STAG2: variants seen among roughly 807,000 people sequenced by gnomAD.
STAG2 encodes STAG2 cohesin complex component.
Under a neutral mutation model 108.1 loss-of-function variants are expected in STAG2, and 14 were observed. The observed-to-expected ratio is 0.13, with a 90% confidence interval of 0.09 to 0.20. The LOEUF is 0.20. Ranked by LOEUF, STAG2 falls within the 10% of genes least tolerant of loss-of-function variation. The probability of loss-of-function intolerance (pLI) is 1.00; values close to 1 mark genes in which losing one functional copy is unlikely to be tolerated. For missense variants in STAG2, 440 were observed against 940.9 expected (o/e 0.47, Z 6.96); for synonymous variants, 307 against 302.7 (o/e 1.01, Z -0.15).
chrX:124,004,936 G>T (rs903522866), intron 1 of STAG2, among the ~76,000 whole-genome samples: 2 of 111,067 alleles, frequency 1.8e-5, no homozygotes, highest in African/African-American at 6.5e-5. Context: ...TCCATATACA[G>T]GTGTCCCTTG....
chrX:124,028,986 TA>T (rs1414832612), intron 4 of STAG2, among the ~76,000 whole-genome samples: 4 of 62,133 alleles, frequency 6.4e-5, no homozygotes, highest in Admixed American at 1.6e-4. Flanking sequence ...TATTTTTATT[TA>T]TATATATATA....
At chrX:124,036,920 CTG>C (rs375426161) in intron 5 of STAG2, among the ~76,000 whole-genome samples, 4 of 110,402 alleles carry the variant, frequency 3.6e-5, no homozygotes, top group African/African-American at 1.3e-4. Context: ...CTCACTCACT[CTG>C]TTGTCCAGGT....
intron 1 of STAG2, among the ~76,000 whole-genome samples, chrX:124,005,971 A>G (rs1295422009): frequency 8.1e-5 from 9 of 111,374 alleles, no homozygotes; most frequent in Non-Finnish European, 1.5e-4. Context: ...CTTCATTTTC[A>G]CATGGTGTTC....
intron 29 of STAG2, among the ~76,000 whole-genome samples, chrX:124,084,068 T>C (rs868294023): frequency 2.7e-5 from 3 of 112,185 alleles, no homozygotes; most frequent in Non-Finnish European, 5.6e-5. Context: ...TAGTGACTTA[T>C]AAAAGAGCCC....
At chrX:123,996,618 C>A (rs1381413000) in intron 1 of STAG2, among the ~76,000 whole-genome samples, 1 of 111,580 alleles carries the variant, frequency 9.0e-6, no homozygotes, top group Non-Finnish European at 1.9e-5. Context: ...TTGCTCTTTC[C>A]AGACTGTCAT....
At chrX:123,967,510 C>T (rs766224569) in intron 1 of STAG2, among the ~76,000 whole-genome samples, 5 of 111,219 alleles carry the variant, frequency 4.5e-5, no homozygotes, top group Non-Finnish European at 9.4e-5. Flanking sequence ...AGGTGATCTG[C>T]CTGCCTCGGC....
chrX:124,025,148 C>CTG (rs1282166827), intron 3 of STAG2, among the ~76,000 whole-genome samples: 2 of 110,827 alleles, frequency 1.8e-5, no homozygotes, highest in African/African-American at 6.5e-5. Context: ...TCGTTCTTTC[C>CTG]TGCGTATATA....
chrX:124,014,979 C>CTTTTTTTTTTT (rs34997317), intron 1 of STAG2, among the ~76,000 whole-genome samples: 5 of 44,518 alleles, frequency 1.1e-4, no homozygotes, highest in Admixed American at 4.0e-4. Flanking sequence ...ACGTACTTTT[C>CTTTTTTTTTTT]TTTTTTTTTT....
chrX:124,102,181 C>CT lies in STAG2; in HGVS notation c.*1585dup, dbSNP rs1338273992. 6 of 158,248 alleles carry CT rather than the reference C, an allele frequency of 3.8e-5. No homozygotes were observed. The highest frequency in any genetic ancestry group is 6.2e-5 in the Non-Finnish European group (5 of 81,113). 13.0% of individuals were successfully genotyped at this position (158,248 alleles called of 1,213,427 possible). On this transcript the variant is annotated 3_prime_UTR_variant, in exon 35 of 35. Coordinates refer to ENST00000371145, the MANE Select transcript of STAG2 (RefSeq NM_001042750.2). ...TAATAACAAATGAATCCAGACTTGT[C>CT]TAACAGATTTTCCATCAACAAATAT...
intron 4 of STAG2, 120 bp downstream of exon 4, chrX:124,026,038 T>C (rs774452405): frequency 2.3e-6 from 1 of 432,264 alleles, no homozygotes; most frequent in Admixed American, 4.2e-5. Context: ...TGGGAGCTGA[T>C]TGGTATGGTA....
chrX:124,074,956 G>A (rs2058762591), intron 25 of STAG2, among the ~76,000 whole-genome samples: 1 of 112,146 alleles, frequency 8.9e-6, no homozygotes, highest in Admixed American at 9.4e-5. Context: ...TATGTATTCA[G>A]TGTAATGATA....
intron 1 of STAG2, among the ~76,000 whole-genome samples, chrX:123,974,936 G>A (rs2054553121): frequency 9.0e-6 from 1 of 111,716 alleles, no homozygotes; most frequent in Non-Finnish European, 1.9e-5. Flanking sequence ...AATGATTGAG[G>A]TTTGGTATAC....
At chrX:123,968,216 T>C (rs2054195941) in intron 1 of STAG2, among the ~76,000 whole-genome samples, 1 of 112,211 alleles carries the variant, frequency 8.9e-6, no homozygotes, top group South Asian at 3.6e-4. Flanking sequence ...CCGTCTTATA[T>C]GCAGTCTGTT....
At chrX:123,963,777 C>A (rs753872513) in intron 1 of STAG2, among the ~76,000 whole-genome samples, 140 of 111,205 alleles carry the variant, frequency 1.3e-3, no homozygotes, top group Middle Eastern at 4.6e-3. Flanking sequence ...ATGGTTATAT[C>A]TTTGTGTTTA....
Position 124,079,310 on chromosome X carries a change from T to C in STAG2, c.2775+1252T>C. On this transcript the variant is annotated intron_variant, in intron 27 of 34. Coordinates refer to ENST00000371145, the MANE Select transcript of STAG2 (RefSeq NM_001042750.2). ...CCCGCCACCACACCCGGCTAATTTT[T>C]TTGTATTTTTAGTAGAGACGGGGTT... Among the ~76,000 whole-genome samples, 2 of 110,021 alleles carry C rather than the reference T, an allele frequency of 1.8e-5. 1 individual carries two copies. Among genetic ancestry groups the C allele is most frequent in the Middle Eastern group, 9.4e-3 (2 of 213 alleles).
Position 124,101,682 on chromosome X carries a change from C to G in STAG2, c.*1085C>G, listed in dbSNP as rs2059509621. On this transcript the variant is annotated 3_prime_UTR_variant, in exon 35 of 35. Transcript: ENST00000371145. ...ATTTTATATTGTTTTATCTATCTGT[C>G]TTTGCAAGCAGTCTTCAGGTTAAAG... is the stretch of plus-strand genomic sequence containing the variant. 2 of 163,192 alleles carry G rather than the reference C, an allele frequency of 1.2e-5. No homozygotes were observed. Among genetic ancestry groups the G allele is most frequent in the Admixed American group, 1.7e-4 (2 of 12,067 alleles). The allele number at this position is 163,192 out of a possible 1,213,427, so 13.4% of individuals were successfully genotyped here.
intron 6 of STAG2, among the ~76,000 whole-genome samples, chrX:124,041,598 A>T (rs755682675): frequency 9.0e-6 from 1 of 111,242 alleles, no homozygotes; most frequent in Non-Finnish European, 1.9e-5. Flanking sequence ...CTAGTAAGCA[A>T]ATAATTCAAC....
intron 5 of STAG2, among the ~76,000 whole-genome samples, chrX:124,036,914 C>T (rs1407470938): frequency 3.6e-5 from 4 of 110,630 alleles, no homozygotes; most frequent in Non-Finnish European, 7.6e-5. Context: ...TGGAGTCTCA[C>T]TCACTCTGTT....
At chrX:124,061,927 G>C (rs1205547465) in intron 17 of STAG2, 53 bp downstream of exon 17, 1 of 919,836 alleles carries the variant, frequency 1.1e-6, no homozygotes, top group African/African-American at 2.0e-5. Flanking sequence ...TCCTTTTTCA[G>C]TATCTTTTTA....
Sources: allele counts gnomAD v4.1 joint callset (sites outside exome capture counted in the v4.1 genomes callset), GRCh38; gene constraint gnomAD v4.1.1; transcripts MANE v1.5; gene names NCBI Gene and HGNC (gene_info 2026-07-23, HGNC 2026-07-21).